SRD5A1: variants seen among roughly 807,000 people sequenced by gnomAD.
SRD5A1 encodes steroid 5 alpha-reductase 1.
Under a neutral mutation model 28.2 loss-of-function variants are expected in SRD5A1, and 22 were observed. The observed-to-expected ratio is 0.78, with a 90% confidence interval of 0.56 to 1.12. SRD5A1 has a LOEUF of 1.12. SRD5A1 is among the 50% of genes most tolerant of loss of function. The pLI is 0.00. For synonymous variants in SRD5A1, 151 were observed against 135.0 expected, an observed-to-expected ratio of 1.12 and a Z score of -0.82; for missense variants, 300 against 346.7, an observed-to-expected ratio of 0.87 and a Z score of 1.07.
At chr5:6,635,639 A>C (rs1466497445) in intron 1 of SRD5A1, among the ~76,000 whole-genome samples, 1 of 152,250 alleles carries the variant, frequency 6.6e-6, no homozygotes, top group African/African-American at 2.4e-5. Context: ...TGCTCAGTAC[A>C]CAATACCTAG....
At chr5:6,652,589 C>T (rs1458683292) in intron 2 of SRD5A1, among the ~76,000 whole-genome samples, 1 of 152,104 alleles carries the variant, frequency 6.6e-6, no homozygotes, top group Non-Finnish European at 1.5e-5. Flanking sequence ...AATTAACACT[C>T]TGGCTGGGTG....
At chr5:6,659,355 C>T (rs920834999) in intron 3 of SRD5A1, among the ~76,000 whole-genome samples, 11 of 151,752 alleles carry the variant, frequency 7.2e-5, no homozygotes, top group Admixed American at 4.6e-4. Context: ...CCTCGTGATC[C>T]GCCCACCTTG....
chr5:6,666,428 G>A (rs576897341), intron 4 of SRD5A1, among the ~76,000 whole-genome samples: 15 of 152,302 alleles, frequency 9.8e-5, no homozygotes, highest in Admixed American at 5.2e-4. Context: ...AATTACAGGC[G>A]TCAGCCACCG....
intron 3 of SRD5A1, among the ~76,000 whole-genome samples, chr5:6,658,864 C>A (rs1442073753): frequency 6.6e-6 from 1 of 151,912 alleles, no homozygotes; most frequent in African/African-American, 2.4e-5. Context: ...GTAATCCCAG[C>A]ACTTTGGGAG....
At position 6,673,879 on chromosome 5, in the gene SRD5A1, T is replaced by A. The variant is rs1365203756; in HGVS notation, c.*5611T>A. The stretch of plus-strand genomic sequence containing the variant: ...CAGTTTGCAAAGGCTAGATACTATA[T>A]GATCCCAACTGTATAACATTCTGAA... On this transcript the variant is annotated 3_prime_UTR_variant, in exon 5 of 5. Transcript: ENST00000274192. 1 of 152,182 alleles carries A rather than the reference T, an allele frequency of 6.6e-6. No homozygotes were observed. Among genetic ancestry groups the A allele is most frequent in the Admixed American group, 6.5e-5 (1 of 15,280 alleles). 9.4% of individuals were successfully genotyped at this position (152,182 alleles called of 1,614,324 possible).
At position 6,668,434 on chromosome 5, in the gene SRD5A1, C is replaced by T. The variant is rs1355801242; in HGVS notation, c.*166C>T. The stretch of plus-strand genomic sequence containing the variant: ...AATTTTGCAATCTACCTAATAAGTA[C>T]CTAAATACGCTGAAATGGAGGTTGA... On this transcript the variant is annotated 3_prime_UTR_variant, in exon 5 of 5. Transcript: ENST00000274192. 5 of 478,606 alleles carry T rather than the reference C, an allele frequency of 1.0e-5. No individual in the cohort carries two copies. Among genetic ancestry groups the T allele is most frequent in the Non-Finnish European group, 1.9e-5 (5 of 265,138 alleles). 29.6% of individuals were successfully genotyped at this position (478,606 alleles called of 1,614,324 possible).
At chr5:6,649,420 G>T (rs765042224) in intron 1 of SRD5A1, among the ~76,000 whole-genome samples, 3 of 152,152 alleles carry the variant, frequency 2.0e-5, no homozygotes, top group African/African-American at 7.2e-5. Context: ...GGGTAAAACC[G>T]TCTACTTAAG....
chr5:6,646,961 T>G (rs1029157979), intron 1 of SRD5A1, among the ~76,000 whole-genome samples: 2 of 152,222 alleles, frequency 1.3e-5, no homozygotes, highest in African/African-American at 4.8e-5. Context: ...GTCCCAAAGA[T>G]TCTGGTATGT....
At chr5:6,659,199 T>C (rs969360745) in intron 3 of SRD5A1, among the ~76,000 whole-genome samples, 20 of 151,710 alleles carry the variant, frequency 1.3e-4, no homozygotes, top group Admixed American at 7.9e-4. Context: ...CTGCAAGCTC[T>C]GCCTCTCGGG....
chr5:6,664,774 G>A (rs750221323), intron 4 of SRD5A1, among the ~76,000 whole-genome samples: 3 of 152,224 alleles, frequency 2.0e-5, no homozygotes, highest in Non-Finnish European at 4.4e-5. Flanking sequence ...CGCATTCTTC[G>A]AGACACTCCA....
rs1335948416 is a variant in SRD5A1 at position 6,668,975 on chromosome 5, G to T, written c.*707G>T. On this transcript the variant is annotated 3_prime_UTR_variant, in exon 5 of 5. Transcript: ENST00000274192. ...GCTCTGCCTGTGTGAGTGGCTCCTG[G>T]GCCCTAAACAGGCACCTTTAGGCCA... 3 of 152,224 alleles carry T rather than the reference G, an allele frequency of 2.0e-5. No individual in the cohort carries two copies. The highest frequency in any genetic ancestry group is 6.5e-5 in the Admixed American group (1 of 15,284). 9.4% of individuals were successfully genotyped at this position (152,224 alleles called of 1,614,324 possible).
chr5:6,653,880 A>C (rs1303601002), intron 2 of SRD5A1, among the ~76,000 whole-genome samples: 3 of 152,174 alleles, frequency 2.0e-5, no homozygotes, highest in Non-Finnish European at 1.5e-5. Context: ...TCTACAATTA[A>C]ACAGAAGGAT....
intron 3 of SRD5A1, among the ~76,000 whole-genome samples, chr5:6,658,575 T>C (rs1738901302): frequency 6.6e-6 from 1 of 152,102 alleles, no homozygotes; most frequent in African/African-American, 2.4e-5. Flanking sequence ...ATGCAGAAGC[T>C]TGGCTGTAAC....
At position 6,633,883 on chromosome 5, in the gene SRD5A1, C is replaced by T. The variant is rs1738078349; in HGVS notation, c.293+14C>T. On this transcript the variant is annotated intron_variant, in intron 1 of 4. Transcript: ENST00000274192. ...CTACGGGCATCGGTAACGTCCCCGG[C>T]CCCCGGCCCCCTACCCTACTCCCGG... The T allele has an allele frequency of 1.3e-6, 2 of 1,593,932 alleles. No individual in the cohort carries two copies. Among genetic ancestry groups the T allele is most frequent in the East Asian group, 4.5e-5 (2 of 44,562 alleles).
intron 1 of SRD5A1, among the ~76,000 whole-genome samples, chr5:6,635,495 G>C (rs1738157444): frequency 6.6e-6 from 1 of 152,216 alleles, no homozygotes; most frequent in South Asian, 2.1e-4. Context: ...CCCTGGATGA[G>C]TTACTAAGCT....
chr5:6,635,259 A>G lies in SRD5A1; in HGVS notation c.293+1390A>G, dbSNP rs148938923. ...GCACTTTAAACAAGGGCAAGTCAAC[A>G]TTCATCAGAGGCTTAGTGAGTACTG... On this transcript the variant is annotated intron_variant, in intron 1 of 4. Coordinates refer to ENST00000274192, the MANE Select transcript of SRD5A1 (RefSeq NM_001047.4). Among the ~76,000 whole-genome samples the G allele has an allele frequency of 3.2e-4, 48 of 152,250 alleles. 1 individual carries two copies. In the East Asian group the frequency reaches 7.5e-3, roughly 24 times the overall value.
At chr5:6,662,143 C>T (rs1279164503) in intron 3 of SRD5A1, among the ~76,000 whole-genome samples, 1 of 152,190 alleles carries the variant, frequency 6.6e-6, no homozygotes, top group Non-Finnish European at 1.5e-5. Flanking sequence ...ACCTCCAGCA[C>T]CTGCCAGGCT....
intron 1 of SRD5A1, among the ~76,000 whole-genome samples, chr5:6,636,709 G>A (rs1738193929): frequency 6.6e-6 from 1 of 152,220 alleles, no homozygotes; most frequent in Non-Finnish European, 1.5e-5. Context: ...GGAAGGGATA[G>A]AGGGAATGGT....
intron 1 of SRD5A1, among the ~76,000 whole-genome samples, chr5:6,647,490 T>G (rs1738541338): frequency 6.6e-6 from 1 of 152,220 alleles, no homozygotes; most frequent in African/African-American, 2.4e-5. Flanking sequence ...TCTAGGATAG[T>G]TACCTCTGCT....
Sources: allele counts gnomAD v4.1 joint callset (sites outside exome capture counted in the v4.1 genomes callset), GRCh38; gene constraint gnomAD v4.1.1; transcripts MANE v1.5; gene names NCBI Gene and HGNC (gene_info 2026-07-23, HGNC 2026-07-21).